AGPAT3: variants seen among roughly 807,000 people sequenced by gnomAD.
AGPAT3 encodes the protein 1-acyl-sn-glycerol-3-phosphate acyltransferase gamma.
A neutral mutation model predicts 47.3 loss-of-function variants in AGPAT3; 5 were observed. The observed-to-expected ratio is 0.11, with a 90% CI of 0.06 to 0.22. The LOEUF (loss-of-function observed/expected upper bound fraction) is 0.22. Ranked by LOEUF, AGPAT3 falls within the 10% of genes least tolerant of loss-of-function variation. AGPAT3 has a pLI of 1.00. For synonymous variants in AGPAT3, 212 were observed against 208.3 expected (o/e 1.02, Z -0.15); for missense variants, 315 against 493.0 (o/e 0.64, Z 3.42).
At chr21:43,935,519 C>T (rs554035014) in intron 2 of AGPAT3, among the ~76,000 whole-genome samples, 72 of 152,354 alleles carry the variant, frequency 4.7e-4, no homozygotes, top group African/African-American at 1.7e-3. Flanking sequence ...AGTCCAGGAG[C>T]GGCCTGCAGG....
At chr21:43,910,630 G>T (rs1043294840) in intron 2 of AGPAT3, among the ~76,000 whole-genome samples, 3 of 152,344 alleles carry the variant, frequency 2.0e-5, no homozygotes, top group Admixed American at 2.0e-4. Context: ...ACTGGAGGAG[G>T]TGGGTGTTCC....
chr21:43,914,258 T>C (rs1406627988), intron 2 of AGPAT3, among the ~76,000 whole-genome samples: 1 of 152,230 alleles, frequency 6.6e-6, no homozygotes, highest in East Asian at 1.9e-4. Context: ...TTTAGACAAA[T>C]TTCCTTCTTC....
intron 2 of AGPAT3, among the ~76,000 whole-genome samples, chr21:43,907,484 G>A (rs1014558244): frequency 6.6e-6 from 1 of 152,152 alleles, no homozygotes; most frequent in Non-Finnish European, 1.5e-5. Context: ...TTGGGAGGCC[G>A]AGGCAGGCGG....
chr21:43,959,111 CA>C (rs2088671948), intron 2 of AGPAT3, among the ~76,000 whole-genome samples: 1 of 99,308 alleles, frequency 1.0e-5, no homozygotes, highest in Admixed American at 1.2e-4. Context: ...GTGTGGTTTG[CA>C]GTGTGTGTGT....
intron 3 of AGPAT3, among the ~76,000 whole-genome samples, chr21:43,960,235 C>T (rs762237447): frequency 6.6e-6 from 1 of 152,194 alleles, no homozygotes; most frequent in Non-Finnish European, 1.5e-5. Flanking sequence ...CATGCTGACG[C>T]GTATTTCAGC....
At chr21:43,950,366 G>T (rs1356993996) in intron 2 of AGPAT3, among the ~76,000 whole-genome samples, 1 of 152,174 alleles carries the variant, frequency 6.6e-6, no homozygotes, top group African/African-American at 2.4e-5. Context: ...ATAAGGTTGG[G>T]CTGGCAACAA....
At chr21:43,957,375 A>G (rs565709537) in intron 2 of AGPAT3, among the ~76,000 whole-genome samples, 2 of 152,314 alleles carry the variant, frequency 1.3e-5, no homozygotes, top group South Asian at 4.1e-4. Context: ...GCCACTCCAG[A>G]GCCCACCCCT....
chr21:43,906,333 C>G (rs546265953), intron 2 of AGPAT3, among the ~76,000 whole-genome samples: 12 of 152,162 alleles, frequency 7.9e-5, no homozygotes, highest in East Asian at 7.7e-4. Flanking sequence ...AGCTCCCCCC[C>G]GCCCAAGCTG....
chr21:43,953,475 G>C (rs4818874), intron 2 of AGPAT3, among the ~76,000 whole-genome samples: 2 of 152,046 alleles, frequency 1.3e-5, no homozygotes, highest in African/African-American at 4.8e-5. Flanking sequence ...ATAAGAAATA[G>C]GCAAGTGAGT....
At chr21:43,959,452 GTGTGTGTGGCA>G (rs981032255) in intron 2 of AGPAT3, among the ~76,000 whole-genome samples, 171 bp from the exon 3 acceptor site, 61 of 144,100 alleles carry the variant, frequency 4.2e-4, no homozygotes, top group South Asian at 2.0e-3. Flanking sequence ...TTGCAGTGTG[GTGTGTGTGGCA>G]TGTGTGTGGT....
At chr21:43,979,496 A>T (rs1411000593) in intron 8 of AGPAT3, among the ~76,000 whole-genome samples, 1 of 151,986 alleles carries the variant, frequency 6.6e-6, no homozygotes, top group Non-Finnish European at 1.5e-5. Flanking sequence ...GAAGATAAAG[A>T]TTTCCCCTCA....
intron 2 of AGPAT3, chr21:43,948,169 G>A (rs371765426): frequency 6.6e-6 from 1 of 152,196 alleles, no homozygotes; most frequent in Non-Finnish European, 1.5e-5. Flanking sequence ...AGCTGCTGGT[G>A]TGACCTCAGC....
Position 43,920,351 on chromosome 21 carries a change from G to C in AGPAT3, c.-49+16332G>C, listed in dbSNP as rs150043407. 4.6e-5 allele frequency among the ~76,000 whole-genome samples: 7 copies of C among 152,310 alleles called. No individual in the cohort carries two copies. The highest frequency in any genetic ancestry group is 1.7e-4 in the African/African-American group (7 of 41,566). ...TGTGACTCGGCTGAGAGGAGACAGC[G>C]CAGCTGGGCAGGTGATGCTTGGTGA... is the stretch of plus-strand genomic sequence containing the variant. On this transcript the variant is annotated intron_variant, in intron 2 of 9. Transcript: ENST00000291572. The surrounding 1 kb of genome is among the most constrained non-coding windows in gnomAD (Gnocchi z 6.1).
At chr21:43,878,500 C>T (rs1025653182) in intron 1 of AGPAT3, among the ~76,000 whole-genome samples, 4 of 152,240 alleles carry the variant, frequency 2.6e-5, no homozygotes, top group Non-Finnish European at 5.9e-5. Flanking sequence ...GATGCCGCTC[C>T]GTTTTCCCAG....
At chr21:43,956,805 C>CT (rs1369778733) in intron 2 of AGPAT3, among the ~76,000 whole-genome samples, 2 of 152,242 alleles carry the variant, frequency 1.3e-5, no homozygotes, top group Non-Finnish European at 2.9e-5. Context: ...CAGGAAGGAC[C>CT]TGCCGCTCAC....
At chr21:43,979,520 G>A (rs575491202) in intron 8 of AGPAT3, among the ~76,000 whole-genome samples, 6 of 152,160 alleles carry the variant, frequency 3.9e-5, no homozygotes, top group South Asian at 4.1e-4. Flanking sequence ...AAGGCGGGAC[G>A]TTAGAACCAA....
intron 2 of AGPAT3, among the ~76,000 whole-genome samples, chr21:43,957,951 C>A (rs116873733): frequency 6.6e-6 from 1 of 152,176 alleles, no homozygotes; most frequent in Non-Finnish European, 1.5e-5. Context: ...GCCGGTGGAG[C>A]CCCTGGGGAG....
In AGPAT3 at chr21:43,958,206, G is replaced by A. The variant is rs147629118; in HGVS notation, c.-48-1428G>A. On this transcript the variant is annotated intron_variant, in intron 2 of 9. Transcript: ENST00000291572. ...TGGGTGTATTTCTTCTAGTCTTTTC[G>A]TTTTTTCTTTCTGGTTTGCATGGGA... Among the ~76,000 whole-genome samples, 732 of 152,162 alleles carry A rather than the reference G, an allele frequency of 4.8e-3. 2 individuals are homozygous for A. Among genetic ancestry groups the A allele is most frequent in the Non-Finnish European group, 7.7e-3 (524 of 68,002 alleles).
intron 1 of AGPAT3, among the ~76,000 whole-genome samples, chr21:43,865,950 A>C (rs2085496583): frequency 6.6e-6 from 1 of 151,852 alleles, no homozygotes. Flanking sequence ...CGGCCCGGAG[A>C]CCGGCGGCGC....
Sources: allele counts gnomAD v4.1 joint callset (sites outside exome capture counted in the v4.1 genomes callset), GRCh38; gene constraint gnomAD v4.1.1; non-coding constraint Gnocchi (gnomAD v3.1); transcripts MANE v1.5; gene names NCBI Gene and HGNC (gene_info 2026-07-23, HGNC 2026-07-21).